PCED1B: variants seen among roughly 807,000 people sequenced by gnomAD.
The protein encoded by PCED1B is PC-esterase domain-containing protein 1B.
For synonymous variants in PCED1B, 251 were observed against 246.1 expected (o/e 1.02, Z -0.19); for missense variants, 573 against 573.9 (o/e 1.00, Z 0.02).
chr12:47,185,691 A>T (rs1055657497), intron 2 of PCED1B, among the ~76,000 whole-genome samples: 4 of 151,696 alleles, frequency 2.6e-5, no homozygotes, highest in African/African-American at 9.7e-5. Context: ...CAGGAGGCTG[A>T]GGCAGCAGAA....
intron 3 of PCED1B, among the ~76,000 whole-genome samples, chr12:47,222,931 T>C (rs547664793): frequency 5.5e-4 from 84 of 152,272 alleles, no homozygotes; most frequent in African/African-American, 1.9e-3. Flanking sequence ...GTGCTACTAA[T>C]CATTCTGGGG....
At chr12:47,162,326 C>A (rs1941412274) in intron 2 of PCED1B, among the ~76,000 whole-genome samples, 1 of 151,920 alleles carries the variant, frequency 6.6e-6, no homozygotes, top group African/African-American at 2.4e-5. Context: ...TGTATTTTGG[C>A]TCACAGTTCT....
chr12:47,192,171 TTG>T (rs1942463251), intron 2 of PCED1B, among the ~76,000 whole-genome samples: 1 of 151,048 alleles, frequency 6.6e-6, no homozygotes, highest in African/African-American at 2.4e-5. Flanking sequence ...CTTTTTTTTT[TTG>T]TTTTTTTTTT....
intron 3 of PCED1B, among the ~76,000 whole-genome samples, chr12:47,233,510 T>C (rs902566979): frequency 6.6e-6 from 1 of 152,152 alleles, no homozygotes; most frequent in East Asian, 1.9e-4. Flanking sequence ...TAAGGGATGA[T>C]GAATTGTGGG....
At chr12:47,089,460 ACATAT>A (rs1565739952) in intron 1 of PCED1B, among the ~76,000 whole-genome samples, 3 of 70,288 alleles carry the variant, frequency 4.3e-5, no homozygotes, top group African/African-American at 2.5e-4. Context: ...AAAAAAAAAT[ACATAT>A]ATATATATAT....
rs531193288 is a variant in PCED1B, at chr12:47,236,201, C to T, written c.1138C>T (p.Pro380Ser). The T allele has an allele frequency of 1.1e-5, 17 of 1,614,152 alleles. No homozygotes were observed. The African/African-American group carries it at 2.0e-4, about 19-fold the overall frequency. The change falls in exon 4 of 4, where the codon CCT (proline) becomes TCT (serine). Residue 380 changes from proline (P) to serine (S), a missense_variant. By Grantham distance (74) the Pro-to-Ser change is moderately conservative (BLOSUM62 -1). Transcript: ENST00000546455. ...CAATTTTATGGTTGGTCCTCAGCTG[C>T]CTATGCCCTTCTTCCCCACACCCCG... ...EDNFMVGPQL[P>S]MPFFPTPRYQ...
chr12:47,174,020 C>T (rs1156589132), intron 2 of PCED1B, among the ~76,000 whole-genome samples: 3 of 151,272 alleles, frequency 2.0e-5, no homozygotes, highest in African/African-American at 7.3e-5. Flanking sequence ...TGGCTCACAC[C>T]TGTAATCCCA....
chr12:47,177,325 T>A (rs1941954334), intron 2 of PCED1B, among the ~76,000 whole-genome samples: 1 of 152,208 alleles, frequency 6.6e-6, no homozygotes, highest in Non-Finnish European at 1.5e-5. Context: ...GGTTGTCAGG[T>A]TTTATTTCAT....
At position 47,160,271 on chromosome 12, in the gene PCED1B, CTTTCTTTTTCTT is replaced by C. The variant is rs1195340589; in HGVS notation, c.-525-55935_-525-55924del. On this transcript the variant is annotated intron_variant, in intron 2 of 3. Coordinates refer to ENST00000546455, the MANE Select transcript of PCED1B (RefSeq NM_138371.3). ...TTGTTGGCTGTTTTTCTTTTCTTTT[CTTTCTTTTTCTT>C]TTTCTTTTTCTTTTTTTTTTTTTTT... Among the ~76,000 whole-genome samples the C allele has an allele frequency of 1.9e-4, 23 of 123,676 alleles. No individual in the cohort carries two copies. The East Asian group carries it at 4.3e-3, about 23-fold the overall frequency. 81.1% of individuals were successfully genotyped at this position (123,676 alleles called of 152,430 possible). A position where few individuals can be genotyped will look rare whatever the true frequency, so the allele number is the denominator to read the frequency against.
At chr12:47,184,430 G>A (rs1206035759) in intron 2 of PCED1B, among the ~76,000 whole-genome samples, 1 of 152,120 alleles carries the variant, frequency 6.6e-6, no homozygotes, top group Non-Finnish European at 1.5e-5. Flanking sequence ...GTAGCTTCCT[G>A]GAAATTTAAC....
chr12:47,139,901 G>A (rs1434185683), intron 2 of PCED1B, among the ~76,000 whole-genome samples: 1 of 152,020 alleles, frequency 6.6e-6, no homozygotes, highest in East Asian at 1.9e-4. Context: ...TGTGGTAGGT[G>A]TATAGTATAT....
At chr12:47,104,561 C>T (rs554957120) in intron 2 of PCED1B, among the ~76,000 whole-genome samples, 3 of 152,278 alleles carry the variant, frequency 2.0e-5, no homozygotes, top group African/African-American at 7.2e-5. Context: ...GCCAAACAAC[C>T]ACTTGCAGGT....
At chr12:47,191,476 C>T (rs755580502) in intron 2 of PCED1B, among the ~76,000 whole-genome samples, 10 of 152,182 alleles carry the variant, frequency 6.6e-5, no homozygotes, top group Non-Finnish European at 1.5e-4. Flanking sequence ...CCTTGACCCT[C>T]CCCAGGCAAA....
intron 1 of PCED1B, among the ~76,000 whole-genome samples, chr12:47,094,439 C>G (rs1938392616): frequency 6.6e-6 from 1 of 152,050 alleles, no homozygotes; most frequent in Admixed American, 6.6e-5. Flanking sequence ...TAGCTACCAT[C>G]TTATTTTTCA....
chr12:47,118,725 A>G (rs1244967658), intron 2 of PCED1B, among the ~76,000 whole-genome samples: 13 of 152,132 alleles, frequency 8.5e-5, no homozygotes, highest in Non-Finnish European at 1.5e-5. Flanking sequence ...CAATTCTGTG[A>G]AGAAAGTCAT....
chr12:47,215,891 C>T (rs917105426), intron 2 of PCED1B, among the ~76,000 whole-genome samples: 2 of 145,382 alleles, frequency 1.4e-5, no homozygotes, highest in African/African-American at 2.6e-5. Flanking sequence ...ACCATCTCTA[C>T]TAAAAATACA....
intron 2 of PCED1B, among the ~76,000 whole-genome samples, chr12:47,121,084 CATGTCTATGAA>C (rs954363426): frequency 4.6e-5 from 7 of 152,100 alleles, no homozygotes; most frequent in African/African-American, 1.7e-4. Context: ...GATGGTTCCA[CATGTCTATGAA>C]AATACTAAAA....
rs114720920 is a variant in PCED1B at position 47,081,803 on chromosome 12, C to T, written c.-609+2078C>T. Among the ~76,000 whole-genome samples, 692 of 152,008 alleles carry T rather than the reference C, an allele frequency of 4.6e-3. 7 individuals carry two copies. The highest frequency in any genetic ancestry group is 0.016 in the African/African-American group (664 of 41,452). On this transcript the variant is annotated intron_variant, in intron 1 of 3. Coordinates refer to ENST00000546455, the MANE Select transcript of PCED1B (RefSeq NM_138371.3). ...TCGTATTTTAAGGAAACCATGAAGGCAGAAGAAAGACCTGTATTTAATGCA... is the reference window on the plus strand; with the variant it reads ...TCGTATTTTAAGGAAACCATGAAGGTAGAAGAAAGACCTGTATTTAATGCA...
intron 3 of PCED1B, among the ~76,000 whole-genome samples, chr12:47,230,557 C>A (rs940547064): frequency 3.9e-5 from 6 of 152,144 alleles, no homozygotes; most frequent in Non-Finnish European, 2.9e-5. Flanking sequence ...GATCTCCCGC[C>A]TCAGCCTCCG....
Sources: allele counts gnomAD v4.1 joint callset (sites outside exome capture counted in the v4.1 genomes callset), GRCh38; gene constraint gnomAD v4.1.1; transcripts MANE v1.5; gene names NCBI Gene and HGNC (gene_info 2026-07-23, HGNC 2026-07-21).